Variants in KIRREL3 observed in about 807,000 individuals in gnomAD.
The protein encoded by KIRREL3 is kirre like nephrin family adhesion molecule 3.
In KIRREL3, 36 loss-of-function variants were observed where a neutral mutation model predicts 89.7. The ratio of observed to expected loss-of-function variants is 0.40; its 90% CI spans 0.31 to 0.53. The LOEUF is 0.53. KIRREL3 is among the 20% of genes least tolerant of loss of function. KIRREL3 has a pLI of 0.49. For synonymous variants in KIRREL3, 445 were observed against 441.4 expected (o/e 1.01, Z -0.10); for missense variants, 864 against 1,056.6 (o/e 0.82, Z 2.53).
rs1946609846 is a variant in KIRREL3, at chr11:126,906,874, C to A, written c.55+93581G>T. Reference sequence around the variant, plus strand: ...ATGAAGGGAAGTCAGAGTGGCTTGGCTGAGCCCTACATTTTCTTTTTCTGT... The same window carrying A: ...ATGAAGGGAAGTCAGAGTGGCTTGGATGAGCCCTACATTTTCTTTTTCTGT... On this transcript the variant is annotated intron_variant, in intron 1 of 16. Transcript: ENST00000525144. This position sits in a 1 kb window ranked among gnomAD's most constrained non-coding sequence, Gnocchi z 4.1. 6.6e-6 allele frequency among the ~76,000 whole-genome samples: 1 copy of A among 152,170 alleles called. No individual in the cohort carries two copies. Among genetic ancestry groups the A allele is most frequent in the South Asian group, 2.1e-4 (1 of 4,832 alleles).
At position 126,537,466 on chromosome 11, in the gene KIRREL3, G is replaced by A. The variant is rs1231046989; in HGVS notation, c.134-10779C>T. 6.6e-6 allele frequency among the ~76,000 whole-genome samples: 1 copy of A among 152,142 alleles called. No individual in the cohort carries two copies. The highest frequency in any genetic ancestry group is 2.4e-5 in the African/African-American group (1 of 41,432). On this transcript the variant is annotated intron_variant, in intron 2 of 16. Coordinates refer to ENST00000525144, the MANE Select transcript of KIRREL3 (RefSeq NM_032531.4). The surrounding 1 kb of genome is among the most constrained non-coding windows in gnomAD (Gnocchi z 4.3). ...ATCCTGGAGGAGGAATCATAATATG[G>A]GGAAAGTAATGGAGGAGAAATGTCA...
At chr11:126,585,220 CTTTTTTT>C (rs3042225) in intron 1 of KIRREL3, among the ~76,000 whole-genome samples, 8 of 81,888 alleles carry the variant, frequency 9.8e-5, no homozygotes, top group East Asian at 6.4e-4. Context: ...CGCCCGGCCT[CTTTTTTT>C]TTTTTTTTTT....
Position 126,931,394 on chromosome 11 carries a change from T to C in KIRREL3, c.55+69061A>G, listed in dbSNP as rs1053374735. Among the ~76,000 whole-genome samples, 10 of 152,116 alleles carry C rather than the reference T, an allele frequency of 6.6e-5. No homozygotes were observed. The highest frequency in any genetic ancestry group is 1.3e-4 in the Non-Finnish European group (9 of 68,020). ...CCTTCCTCCCTACCCCACCCTACTT[T>C]CCTGTCAATCACTCCACAAGCATTC... On this transcript the variant is annotated intron_variant, in intron 1 of 16. Coordinates refer to ENST00000525144, the MANE Select transcript of KIRREL3 (RefSeq NM_032531.4). The surrounding 1 kb of genome is among the most constrained non-coding windows in gnomAD (Gnocchi z 5.1).
At position 126,536,626 on chromosome 11, in the gene KIRREL3, A is replaced by G. The variant is rs191880170; in HGVS notation, c.134-9939T>C. Among the ~76,000 whole-genome samples, 7 of 132,394 alleles carry G rather than the reference A, an allele frequency of 5.3e-5. No homozygotes were observed. In the East Asian group the frequency reaches 6.9e-4, roughly 13 times the overall value. 86.9% of individuals were successfully genotyped at this position (132,394 alleles called of 152,430 possible). The stretch of plus-strand genomic sequence containing the variant: ...GATCGGGGGTGCTGAGTATCCCCTC[A>G]TGGCCCTGGGCAATGCTTTTTTTTT... On this transcript the variant is annotated intron_variant, in intron 2 of 16. Coordinates refer to ENST00000525144, the MANE Select transcript of KIRREL3 (RefSeq NM_032531.4).
chr11:126,823,128 A>C (rs1301183207), intron 1 of KIRREL3, among the ~76,000 whole-genome samples: 1 of 152,242 alleles, frequency 6.6e-6, no homozygotes, highest in Non-Finnish European at 1.5e-5. Flanking sequence ...GAGGCAACTC[A>C]GCAAATCCAG....
chr11:126,945,615 A>G (rs1948600362), intron 1 of KIRREL3, among the ~76,000 whole-genome samples: 1 of 151,754 alleles, frequency 6.6e-6, no homozygotes, highest in Admixed American at 6.6e-5. Context: ...CACCCTAATC[A>G]CCTGCCTCAT....
intron 1 of KIRREL3, among the ~76,000 whole-genome samples, chr11:126,868,642 C>A (rs577851194): frequency 6.6e-6 from 1 of 152,236 alleles, no homozygotes; most frequent in South Asian, 2.1e-4. Context: ...CGGATTCTAT[C>A]CACATGTAGG....
chr11:126,529,859 GTTT>G (rs60236598), intron 2 of KIRREL3, among the ~76,000 whole-genome samples: 51,717 of 140,904 alleles, frequency 0.37, 9,245 homozygotes, highest in Admixed American at 0.41. Flanking sequence ...AAACCAATGA[GTTT>G]TTTTTTTTTT....
rs1008624612 is a variant in KIRREL3 at position 126,750,391 on chromosome 11, C to A, written c.56-187479G>T. Among the ~76,000 whole-genome samples, 7 of 152,086 alleles carry A rather than the reference C, an allele frequency of 4.6e-5. No homozygotes were observed. The highest frequency in any genetic ancestry group is 2.0e-4 in the Admixed American group (3 of 15,268). On this transcript the variant is annotated intron_variant, in intron 1 of 16. Transcript: ENST00000525144. The surrounding 1 kb of genome is among the most constrained non-coding windows in gnomAD (Gnocchi z 4.2). The stretch of plus-strand genomic sequence containing the variant: ...GCTCCTACGTGTGGGTGCTCGAAGC[C>A]CACAGTGAAGCTTCAAGTGAGGTTA...
intron 4 of KIRREL3, among the ~76,000 whole-genome samples, chr11:126,478,668 T>C (rs960059019): frequency 6.6e-6 from 1 of 152,144 alleles, no homozygotes. Context: ...TATGTATATA[T>C]GTATGTGTAT....
rs112404528 is a variant in KIRREL3, at chr11:126,639,802, G to C, written c.56-76890C>G. Among the ~76,000 whole-genome samples the C allele has an allele frequency of 2.2e-3, 336 of 152,302 alleles. No homozygotes were observed. Among genetic ancestry groups the C allele is most frequent in the Non-Finnish European group, 3.9e-3 (262 of 68,018 alleles). ...ATTCTTGTGAAATAGACACAAGAAG[G>C]AGCTAAACTCATTTCAGGTTTGACC... On this transcript the variant is annotated intron_variant, in intron 1 of 16. Coordinates refer to ENST00000525144, the MANE Select transcript of KIRREL3 (RefSeq NM_032531.4). The surrounding 1 kb of genome is among the most constrained non-coding windows in gnomAD (Gnocchi z 4.3).
chr11:126,784,145 A>G (rs1950411500), intron 1 of KIRREL3, among the ~76,000 whole-genome samples: 1 of 152,220 alleles, frequency 6.6e-6, no homozygotes. Flanking sequence ...GCTAAATGCA[A>G]TGTGGTATCC....
intron 1 of KIRREL3, among the ~76,000 whole-genome samples, chr11:126,825,259 C>T (rs1314179451): frequency 6.6e-6 from 1 of 152,162 alleles, no homozygotes; most frequent in Non-Finnish European, 1.5e-5. Flanking sequence ...TGACCTAGGA[C>T]AGGAATTTTA....
chr11:126,437,692 C>T (rs938324672), intron 11 of KIRREL3, among the ~76,000 whole-genome samples: 5 of 152,226 alleles, frequency 3.3e-5, no homozygotes, highest in South Asian at 2.1e-4. Context: ...CACATCTACA[C>T]GCAACACACA....
At chr11:126,824,143 G>T (rs1040736303) in intron 1 of KIRREL3, among the ~76,000 whole-genome samples, 2 of 152,264 alleles carry the variant, frequency 1.3e-5, no homozygotes, top group Non-Finnish European at 2.9e-5. Flanking sequence ...ATGGGGACAG[G>T]GCTGGAAATG....
At chr11:126,560,667 G>A (rs1040722892) in intron 2 of KIRREL3, among the ~76,000 whole-genome samples, 1 of 152,146 alleles carries the variant, frequency 6.6e-6, no homozygotes, top group African/African-American at 2.4e-5. Context: ...TGGGTGACAG[G>A]CACCTTATTA....
chr11:126,746,723 G>A (rs1949164238), intron 1 of KIRREL3, among the ~76,000 whole-genome samples: 1 of 152,102 alleles, frequency 6.6e-6, no homozygotes, highest in South Asian at 2.1e-4. Context: ...ACATGACCAC[G>A]AGGTCTGCTC....
intron 1 of KIRREL3, among the ~76,000 whole-genome samples, chr11:126,809,019 A>C (rs1461352769): frequency 6.6e-6 from 1 of 152,196 alleles, no homozygotes; most frequent in Non-Finnish European, 1.5e-5. Flanking sequence ...TGCCTTAGGA[A>C]AAAAAACAGG....
chr11:126,917,889 C>T lies in KIRREL3; in HGVS notation c.55+82566G>A, dbSNP rs564918811. ...TGTTCCCTCCTCCACCCCAGTTGCA[C>T]GCTTTGGTAATTGTTGAACTCGATT... On this transcript the variant is annotated intron_variant, in intron 1 of 16. Transcript: ENST00000525144. This position sits in a 1 kb window ranked among gnomAD's most constrained non-coding sequence, Gnocchi z 5.0. 3.3e-5 allele frequency among the ~76,000 whole-genome samples: 5 copies of T among 152,228 alleles called. No homozygotes were observed. In the East Asian group the frequency reaches 5.8e-4, roughly 18 times the overall value.
Sources: allele counts gnomAD v4.1 joint callset (sites outside exome capture counted in the v4.1 genomes callset), GRCh38; gene constraint gnomAD v4.1.1; non-coding constraint Gnocchi (gnomAD v3.1); transcripts MANE v1.5; gene names NCBI Gene and HGNC (gene_info 2026-07-23, HGNC 2026-07-21).